Variants in TNRC6B observed in about 807,000 individuals in gnomAD.
The protein encoded by TNRC6B is trinucleotide repeat containing adaptor 6B.
Under a neutral mutation model 203.6 loss-of-function variants are expected in TNRC6B, and 52 were observed. The ratio of observed to expected loss-of-function variants is 0.26; its 90% CI spans 0.20 to 0.32. The LOEUF (loss-of-function observed/expected upper bound fraction) is 0.32, where lower values mean the gene tolerates loss of function less well. Among genes scored for constraint, TNRC6B ranks in the 10% least tolerant of loss-of-function variants. The pLI, the probability that TNRC6B is intolerant of heterozygous loss-of-function variation, is 1.00. For missense variants in TNRC6B, 1,923 were observed against 2,286.2 expected (o/e 0.84, Z 3.24); for synonymous variants, 838 against 845.7 (o/e 0.99, Z 0.16).
intron 1 of TNRC6B, among the ~76,000 whole-genome samples, chr22:40,212,512 G>T (rs552696244): frequency 1.4e-4 from 22 of 152,270 alleles, no homozygotes; most frequent in Middle Eastern, 3.4e-3. Flanking sequence ...TGGCCTTTGG[G>T]TATGGACACA....
At chr22:40,303,117 C>T (rs2071046991) in intron 15 of TNRC6B, among the ~76,000 whole-genome samples, 1 of 150,286 alleles carries the variant, frequency 6.7e-6, no homozygotes, top group Non-Finnish European at 1.5e-5. Context: ...ACAACCTCCA[C>T]CTCCCAGGTT....
chr22:40,311,810 C>T (rs1054108300), intron 17 of TNRC6B, among the ~76,000 whole-genome samples: 9 of 152,062 alleles, frequency 5.9e-5, no homozygotes, highest in Non-Finnish European at 1.2e-4. Context: ...CCCAAAGTGC[C>T]GGGATTACAG....
At chr22:40,260,480 T>C (rs1302997488) in intron 3 of TNRC6B, among the ~76,000 whole-genome samples, 1 of 152,178 alleles carries the variant, frequency 6.6e-6, no homozygotes, top group Non-Finnish European at 1.5e-5. Context: ...GAGATGGGAC[T>C]TGTAGATGGA....
intron 1 of TNRC6B, among the ~76,000 whole-genome samples, chr22:40,222,608 A>G (rs1394481626): frequency 6.6e-6 from 1 of 151,960 alleles, no homozygotes; most frequent in East Asian, 1.9e-4. Context: ...TTTTTACTTA[A>G]AGTTTTTATT....
chr22:40,252,457 G>A (rs2070209096), intron 3 of TNRC6B, among the ~76,000 whole-genome samples: 1 of 152,198 alleles, frequency 6.6e-6, no homozygotes, highest in Non-Finnish European at 1.5e-5. Flanking sequence ...TGGACTACCA[G>A]ACCAAAGCCT....
At chr22:40,228,109 T>G (rs1342688566) in intron 1 of TNRC6B, among the ~76,000 whole-genome samples, 2 of 152,114 alleles carry the variant, frequency 1.3e-5, no homozygotes, top group African/African-American at 4.8e-5. Flanking sequence ...TAAACATAGT[T>G]TTTAGCAGTT....
Position 40,273,441 on chromosome 22 carries a change from A to C in TNRC6B, c.2982A>C (p.Gln994His). The change falls in exon 7 of 23, where the codon CAA becomes CAC. Residue 994 changes from glutamine (Q) to histidine (H), a missense_variant. Transcript: ENST00000454349. ...NAMKPNSKSM[Q>H]DGWGESDGPV... Reference sequence around the variant, plus strand: ...TCCTTAAAGATTCCAAATCTATGCAAGACGGCTGGGGGGAGAGTGACGGGC... The same window carrying C: ...TCCTTAAAGATTCCAAATCTATGCACGACGGCTGGGGGGAGAGTGACGGGC... 3 of 1,608,772 alleles carry C rather than the reference A, an allele frequency of 1.9e-6. No individual in the cohort carries two copies. The highest frequency in any genetic ancestry group is 2.5e-6 in the Non-Finnish European group (3 of 1,177,694).
At chr22:40,218,078 A>C (rs557787769) in intron 1 of TNRC6B, among the ~76,000 whole-genome samples, 1 of 152,172 alleles carries the variant, frequency 6.6e-6, no homozygotes, top group African/African-American at 2.4e-5. Flanking sequence ...TGTGATTGTT[A>C]CAATGGCTGA....
intron 1 of TNRC6B, among the ~76,000 whole-genome samples, chr22:40,234,147 A>G (rs1347018443): frequency 1.3e-5 from 2 of 152,114 alleles, no homozygotes; most frequent in Admixed American, 1.3e-4. Flanking sequence ...TTAGCTGCAC[A>G]TGGTGGTGCA....
chr22:40,092,660 C>T (rs2068159501), intron 1 of TNRC6B, among the ~76,000 whole-genome samples: 2 of 152,092 alleles, frequency 1.3e-5, no homozygotes, highest in African/African-American at 4.8e-5. Flanking sequence ...AGGTATGCAC[C>T]ACCATGCCTG....
At chr22:40,317,536 C>T (rs2071275896) in intron 21 of TNRC6B, among the ~76,000 whole-genome samples, 1 of 152,204 alleles carries the variant, frequency 6.6e-6, no homozygotes, top group South Asian at 2.1e-4. Flanking sequence ...TGAGATTGCA[C>T]CACTGCACTC....
intron 3 of TNRC6B, among the ~76,000 whole-genome samples, chr22:40,143,553 A>C (rs1293874740): frequency 1.3e-5 from 2 of 152,160 alleles, no homozygotes; most frequent in African/African-American, 4.8e-5. Context: ...GCAGTGGCCC[A>C]ATCTCGGCTC....
chr22:40,313,672 A>G (rs2071218641), intron 19 of TNRC6B, among the ~76,000 whole-genome samples: 1 of 152,238 alleles, frequency 6.6e-6, no homozygotes, highest in Non-Finnish European at 1.5e-5. Flanking sequence ...GGCAAAAGCA[A>G]ATAAAGTAGA....
intron 2 of TNRC6B, 184 bp downstream of exon 2, chr22:40,246,286 T>C: frequency 2.6e-6 from 1 of 384,036 alleles, no homozygotes; most frequent in Non-Finnish European, 4.8e-6. Context: ...GCTTCCCAGG[T>C]TTAAGCGATG....
At chr22:40,114,390 G>A (rs1000278664) in intron 1 of TNRC6B, among the ~76,000 whole-genome samples, 10 of 151,992 alleles carry the variant, frequency 6.6e-5, no homozygotes, top group Non-Finnish European at 1.2e-4. Flanking sequence ...GTGTAATCAT[G>A]GTTCACTGCA....
In TNRC6B at chr22:40,322,982, C is replaced by T. The variant is rs764903369; in HGVS notation, c.5243C>T (p.Ser1748Leu). 2.2e-5 allele frequency: 35 copies of T among 1,610,674 alleles called. No homozygotes were observed. Among genetic ancestry groups the T allele is most frequent in the East Asian group, 2.2e-5 (1 of 44,810 alleles). The change falls in exon 23 of 23, where the codon TCG (serine) becomes TTG (leucine). Residue 1748 changes from serine (S) to leucine (L), a missense_variant. Around this residue, in one of 8 missense-constraint regions of TNRC6B, gnomAD observed 126 missense variants for 137.5 expected, o/e 0.92. Transcript: ENST00000454349. Reference protein sequence around the residue: ...TPSAPAAGWQSLETGQNQSDP... With the variant: ...TPSAPAAGWQLLETGQNQSDP... Reference sequence around the variant, plus strand: ...AGTGCGCCAGCTGCGGGGTGGCAGTCGCTGGAGACCGGCCAGAACCAGTCA... The same window carrying T: ...AGTGCGCCAGCTGCGGGGTGGCAGTTGCTGGAGACCGGCCAGAACCAGTCA...
At chr22:40,322,785 C>T (rs1361311483) in intron 22 of TNRC6B, 69 bp from the exon 23 acceptor site, 17 of 1,571,392 alleles carry the variant, frequency 1.1e-5, no homozygotes, top group Non-Finnish European at 1.5e-5. Flanking sequence ...TCAAGGACTG[C>T]AGTCGCTCCC....
chr22:40,132,979 T>A (rs1367907607), intron 3 of TNRC6B, among the ~76,000 whole-genome samples: 2 of 121,780 alleles, frequency 1.6e-5, no homozygotes, highest in East Asian at 2.6e-4. Context: ...AATATATATA[T>A]ATATATATAT....
chr22:40,270,241 G>C lies in TNRC6B; in HGVS notation c.2926G>C (p.Gly976Arg), dbSNP rs1206855391. 1 of 1,503,818 alleles carries C rather than the reference G, an allele frequency of 6.6e-7. No homozygotes were observed. Among genetic ancestry groups the C allele is most frequent in the East Asian group, 2.7e-5 (1 of 37,618 alleles). 93.2% of individuals were successfully genotyped at this position (1,503,818 alleles called of 1,614,324 possible). A position where few individuals can be genotyped will look rare whatever the true frequency, so the allele number is the denominator to read the frequency against. The change falls in exon 6 of 23, where the codon GGG becomes CGG. Residue 976 changes from glycine to arginine, a missense_variant. Around this residue, in one of 8 missense-constraint regions of TNRC6B, gnomAD observed 599 missense variants for 656.5 expected, o/e 0.91. Coordinates refer to ENST00000454349, the MANE Select transcript of TNRC6B (RefSeq NM_001162501.2). Reference sequence around the variant, plus strand: ...TACAGGAGCATCGACCACAGGCTGGGGGAACACGCCCGCCAACGCTCCCAA... The same window carrying C: ...TACAGGAGCATCGACCACAGGCTGGCGGAACACGCCCGCCAACGCTCCCAA... Reference protein sequence around the residue: ...DDTGASTTGWGNTPANAPNAM... With the variant: ...DDTGASTTGWRNTPANAPNAM...
Sources: allele counts gnomAD v4.1 joint callset (sites outside exome capture counted in the v4.1 genomes callset), GRCh38; gene constraint gnomAD v4.1.1; regional missense constraint gnomAD v4.1.1; transcripts MANE v1.5; gene names NCBI Gene and HGNC (gene_info 2026-07-23, HGNC 2026-07-21).